Variants in GMPS observed in about 807,000 individuals in gnomAD.
GMPS encodes GMP synthase [glutamine-hydrolyzing].
Under a neutral mutation model 77.9 loss-of-function variants are expected in GMPS, and 15 were observed. That is an observed-to-expected ratio of 0.19 (90% CI 0.13 to 0.30). The LOEUF (loss-of-function observed/expected upper bound fraction) is 0.30. Among genes scored for constraint, GMPS ranks in the 10% least tolerant of loss-of-function variants. GMPS has a pLI of 1.00. For missense variants in GMPS, 590 were observed against 838.8 expected, an observed-to-expected ratio of 0.70 and a Z score of 3.66; for synonymous variants, 224 against 275.9, an observed-to-expected ratio of 0.81 and a Z score of 1.86.
At chr3:155,922,396 G>T in intron 11 of GMPS, 94 bp downstream of exon 11, 1 of 542,990 alleles carries the variant, frequency 1.8e-6, no homozygotes, top group Non-Finnish European at 3.2e-6. Context: ...TTTATTATTT[G>T]AAAATTTGGT....
intron 1 of GMPS, among the ~76,000 whole-genome samples, chr3:155,891,153 T>A (rs1754452602): frequency 6.6e-6 from 1 of 152,222 alleles, no homozygotes; most frequent in Non-Finnish European, 1.5e-5. Context: ...AACTGAAATT[T>A]GAGCCATGTT....
At chr3:155,896,687 C>T (rs1279945955) in intron 2 of GMPS, among the ~76,000 whole-genome samples, 5 of 146,704 alleles carry the variant, frequency 3.4e-5, no homozygotes, top group Non-Finnish European at 5.9e-5. Context: ...TCCCAAAGTG[C>T]TGTGATTACA....
chr3:155,934,596 A>G (rs1228406600), intron 13 of GMPS, among the ~76,000 whole-genome samples: 1 of 152,220 alleles, frequency 6.6e-6, no homozygotes, highest in Non-Finnish European at 1.5e-5. Context: ...CTGGGTGGGC[A>G]TGAAGTTTTG....
intron 12 of GMPS, among the ~76,000 whole-genome samples, chr3:155,928,259 TCAG>T (rs78333313): frequency 0.054 from 8,248 of 152,040 alleles, 311 homozygotes; most frequent in East Asian, 0.18. Context: ...ACTCCTGAGC[TCAG>T]GCAATCCACC....
In GMPS at chr3:155,916,074, C is replaced by G; in HGVS notation, c.1094C>G (p.Ala365Gly). ...MNLKPEEVFL[A>G]QGTLRPDLIE... ...TTGAAACCAGAGGAGGTTTTCCTTGCCCAAGGTACTTTACGGCCTGATCTA... is the reference window on the plus strand; with the variant it reads ...TTGAAACCAGAGGAGGTTTTCCTTGGCCAAGGTACTTTACGGCCTGATCTA... The change falls in exon 9 of 16, where the codon GCC becomes GGC. Residue 365 changes from alanine to glycine, a missense_variant. Ala to Gly is a moderately conservative substitution (Grantham distance 60). This residue lies in a region of GMPS where 181 missense variants were observed against 186.8 expected (regional missense o/e 0.97). Transcript: ENST00000496455. 2 of 1,613,042 alleles carry G rather than the reference C, an allele frequency of 1.2e-6. No individual in the cohort carries two copies. The highest frequency in any genetic ancestry group is 1.7e-6 in the Non-Finnish European group (2 of 1,179,130).
intron 4 of GMPS, among the ~76,000 whole-genome samples, chr3:155,904,979 T>A (rs372438400): frequency 6.6e-6 from 1 of 152,214 alleles, no homozygotes; most frequent in Non-Finnish European, 1.5e-5. Context: ...TAATTTACAT[T>A]TTTATTCCTT....
chr3:155,911,458 T>C (rs1755035858), intron 7 of GMPS, among the ~76,000 whole-genome samples, 179 bp downstream of exon 7: 1 of 152,246 alleles, frequency 6.6e-6, no homozygotes, highest in African/African-American at 2.4e-5. Flanking sequence ...TTTAAACTAT[T>C]GATTCTGCTA....
intron 1 of GMPS, among the ~76,000 whole-genome samples, chr3:155,876,617 C>T (rs1754055098): frequency 6.6e-6 from 1 of 152,190 alleles, no homozygotes; most frequent in Non-Finnish European, 1.5e-5. Flanking sequence ...ATCGGACTAA[C>T]AGATGTACAT....
intron 9 of GMPS, 38 bp downstream of exon 9, chr3:155,916,230 A>G (rs1755176938): frequency 7.5e-7 from 1 of 1,326,236 alleles, no homozygotes; most frequent in Non-Finnish European, 1.1e-6. Flanking sequence ...AAGTAGATAC[A>G]TGGAAAGTCT....
chr3:155,932,314 A>ACAC (rs1491435889), intron 13 of GMPS, among the ~76,000 whole-genome samples: 1 of 146,342 alleles, frequency 6.8e-6, no homozygotes, highest in South Asian at 2.2e-4. Context: ...ACACACACAC[A>ACAC]CCCCTACAAA....
intron 1 of GMPS, among the ~76,000 whole-genome samples, chr3:155,875,584 C>T (rs1379715321): frequency 6.6e-6 from 1 of 152,174 alleles, no homozygotes; most frequent in African/African-American, 2.4e-5. Context: ...TATTTAGATG[C>T]TGAAAATGAA....
At chr3:155,899,873 T>G (rs1577512809) in intron 3 of GMPS, among the ~76,000 whole-genome samples, 2 of 152,222 alleles carry the variant, frequency 1.3e-5, no homozygotes, top group East Asian at 3.8e-4. Context: ...TTGGCTTCTT[T>G]CACTTAGTAA....
rs375849143 is a variant in GMPS at position 155,881,480 on chromosome 3, G to GC, written c.27+10583_27+10584insC. On this transcript the variant is annotated intron_variant, in intron 1 of 15. Transcript: ENST00000496455. ...AGCCACTGCTCCTGGCTTGATATTA[G>GC]TTTTTTAAATGTTACTTAAGCTGGT... 5.2e-4 allele frequency among the ~76,000 whole-genome samples: 79 copies of GC among 152,162 alleles called. 4 individuals carry two copies. The highest frequency in any genetic ancestry group is 1.8e-3 in the African/African-American group (76 of 41,516).
At chr3:155,872,251 A>G (rs959267282) in intron 1 of GMPS, among the ~76,000 whole-genome samples, 3 of 152,208 alleles carry the variant, frequency 2.0e-5, no homozygotes, top group Admixed American at 6.5e-5. Flanking sequence ...TTGTCGAACA[A>G]TGAGTAAAAG....
intron 8 of GMPS, 58 bp from the exon 9 acceptor site, chr3:155,915,961 C>A: frequency 8.6e-7 from 1 of 1,168,894 alleles, no homozygotes; most frequent in Non-Finnish European, 1.2e-6. Context: ...AAAGTATAAA[C>A]TTTTGCTTTT....
At chr3:155,877,364 A>G (rs1754076069) in intron 1 of GMPS, among the ~76,000 whole-genome samples, 1 of 152,172 alleles carries the variant, frequency 6.6e-6, no homozygotes, top group South Asian at 2.1e-4. Context: ...AATTTTTATA[A>G]CAGCTTTATT....
At chr3:155,934,659 T>G (rs1055235004) in intron 13 of GMPS, among the ~76,000 whole-genome samples, 1 of 152,230 alleles carries the variant, frequency 6.6e-6, no homozygotes, top group Admixed American at 6.5e-5. Flanking sequence ...TAATAATCAC[T>G]TATATCTTTG....
Position 155,905,025 on chromosome 3 carries a change from A to AT in GMPS, c.422+1075dup, listed in dbSNP as rs577278280. Among the ~76,000 whole-genome samples, 759 of 149,754 alleles carry AT rather than the reference A, an allele frequency of 5.1e-3. 4 individuals are homozygous for AT. Among genetic ancestry groups the AT allele is most frequent in the Non-Finnish European group, 6.3e-3 (425 of 67,214 alleles). On this transcript the variant is annotated intron_variant, in intron 4 of 15. Coordinates refer to ENST00000496455, the MANE Select transcript of GMPS (RefSeq NM_003875.3). Reference sequence around the variant, plus strand: ...ATTATTTATTTTGTAATTTAATTTAATTTTTTTTTTGAGACGGAGTCTCAC... The same window carrying AT: ...ATTATTTATTTTGTAATTTAATTTAATTTTTTTTTTTGAGACGGAGTCTCAC...
chr3:155,901,362 T>C lies in GMPS; in HGVS notation c.325-2501T>C, dbSNP rs530737882. Among the ~76,000 whole-genome samples, 3 of 152,320 alleles carry C rather than the reference T, an allele frequency of 2.0e-5. No homozygotes were observed. The East Asian group carries it at 5.8e-4, about 29-fold the overall frequency. ...TATTGTAAATTATTCATTTTCACTATTGAATTTGTTTGAATATAGCATGTT... is the reference window on the plus strand; with the variant it reads ...TATTGTAAATTATTCATTTTCACTACTGAATTTGTTTGAATATAGCATGTT... On this transcript the variant is annotated intron_variant, in intron 3 of 15. Coordinates refer to ENST00000496455, the MANE Select transcript of GMPS (RefSeq NM_003875.3).
Sources: gnomAD v4.1 joint callset for allele counts (sites outside exome capture counted in the v4.1 genomes callset) on GRCh38, gnomAD v4.1.1 for gene constraint, gnomAD v4.1.1 regional missense constraint, MANE v1.5 for transcripts, NCBI Gene and HGNC (gene_info 2026-07-23, HGNC 2026-07-21) for gene names.